RANBP2: variants seen among roughly 807,000 people sequenced by gnomAD.
RANBP2 encodes RAN binding protein 2, also known as E3 SUMO-protein ligase RanBP2.
A neutral mutation model predicts 303.6 loss-of-function variants in RANBP2; 57 were observed. The observed-to-expected ratio is 0.19, with a 90% confidence interval of 0.15 to 0.23. RANBP2 has a LOEUF of 0.23. RANBP2 is among the 10% of genes least tolerant of loss of function. The pLI is 1.00. For missense variants in RANBP2, 3,138 were observed against 3,780.8 expected (o/e 0.83, Z 4.46); for synonymous variants, 1,167 against 1,301.5 (o/e 0.90, Z 2.23).
chr2:108,815,898 G>A, the RANBP2 span: 1 of 1,514,356 alleles, frequency 6.6e-7, no homozygotes, highest in Admixed American at 2.1e-5. Context: ...GAAGTTTTAT[G>A]AAGTTGTGAA....
the RANBP2 span, among the ~76,000 whole-genome samples, chr2:109,663,788 C>T: frequency 6.6e-6 from 1 of 152,130 alleles, no homozygotes; most frequent in Non-Finnish European, 1.5e-5. Context: ...AGGGAACAGC[C>T]TCTGTGTTTG....
chr2:109,018,523 C>T, the RANBP2 span, among the ~76,000 whole-genome samples: 2 of 152,334 alleles, frequency 1.3e-5, no homozygotes, highest in African/African-American at 2.4e-5. Flanking sequence ...GTTGCCTGTA[C>T]CAAAGTCTTC....
At chr2:108,850,879 T>TC in the RANBP2 span, among the ~76,000 whole-genome samples, 1 of 152,076 alleles carries the variant, frequency 6.6e-6, no homozygotes, top group Non-Finnish European at 1.5e-5. Context: ...TGGAGGTTTT[T>TC]CCCCACATAC....
chr2:109,607,235 TAC>T, the RANBP2 span, among the ~76,000 whole-genome samples: 1 of 152,200 alleles, frequency 6.6e-6, no homozygotes, highest in Non-Finnish European at 1.5e-5. Context: ...GGAGTAAGAC[TAC>T]AGTCTCCATA....
chr2:109,608,107 T>C, the RANBP2 span, among the ~76,000 whole-genome samples: 2 of 152,242 alleles, frequency 1.3e-5, no homozygotes. Context: ...TAAAGGTCTT[T>C]TATAACAAAA....
At chr2:109,429,833 C>T in the RANBP2 span, among the ~76,000 whole-genome samples, 1 of 152,214 alleles carries the variant, frequency 6.6e-6, no homozygotes, top group African/African-American at 2.4e-5. Flanking sequence ...AGAGGTAGCC[C>T]TGCTAGGGGT....
chr2:108,788,992 T>TG (rs765857281), downstream of RANBP2: 22 of 1,612,290 alleles, frequency 1.4e-5, no homozygotes, highest in Non-Finnish European at 1.9e-5. Context: ...ACTTTACTGT[T>TG]GCTACCCCCT....
At chr2:109,767,368 C>T in the RANBP2 span, among the ~76,000 whole-genome samples, 9 of 147,326 alleles carry the variant, frequency 6.1e-5, no homozygotes, top group Non-Finnish European at 4.5e-5. Flanking sequence ...CTCTTACTTA[C>T]GGTGGTACTA....
the RANBP2 span, among the ~76,000 whole-genome samples, chr2:109,664,042 C>T: frequency 6.6e-6 from 1 of 152,296 alleles, no homozygotes; most frequent in South Asian, 2.1e-4. Context: ...TGGGATACTT[C>T]CAAAGCCAGT....
At chr2:109,485,025 G>A in the RANBP2 span, among the ~76,000 whole-genome samples, 146 of 152,338 alleles carry the variant, frequency 9.6e-4, 2 homozygotes, top group East Asian at 0.026. Context: ...AAAATAGTAC[G>A]TAACCCATCA....
the RANBP2 span, among the ~76,000 whole-genome samples, chr2:109,466,072 C>CTTTTTTTT: frequency 7.6e-4 from 63 of 82,388 alleles, no homozygotes; most frequent in Non-Finnish European, 1.0e-3. Flanking sequence ...ACCTGTACAT[C>CTTTTTTTT]TTTTTTTTTT....
chr2:108,786,656 T>C (rs826553), downstream of RANBP2: 105,723 of 632,678 alleles, frequency 0.17, 9,457 homozygotes, highest in African/African-American at 0.2. Context: ...GAGGACGCGC[T>C]GACAAGCCGG....
chr2:108,954,678 C>CT, the RANBP2 span, among the ~76,000 whole-genome samples: 208 of 146,666 alleles, frequency 1.4e-3, no homozygotes, highest in Middle Eastern at 3.6e-3. Context: ...GGAAGATAAT[C>CT]TTTTTTTTTT....
the RANBP2 span, among the ~76,000 whole-genome samples, chr2:108,815,461 GTTTTTTTTTTTTT>G: frequency 2.8e-5 from 2 of 70,700 alleles, no homozygotes; most frequent in South Asian, 1.4e-3. Flanking sequence ...GGTTTTTGGT[GTTTTTTTTTTTTT>G]TTTTTTTTTT....
the RANBP2 span, among the ~76,000 whole-genome samples, chr2:108,901,186 T>A: frequency 6.6e-6 from 1 of 152,172 alleles, no homozygotes; most frequent in African/African-American, 2.4e-5. Flanking sequence ...TATAAATATA[T>A]AACAGAAAAA....
chr2:108,819,472 C>T, the RANBP2 span, among the ~76,000 whole-genome samples: 63 of 152,180 alleles, frequency 4.1e-4, no homozygotes, highest in South Asian at 1.2e-3. Context: ...CTGCAGGAAA[C>T]AGAAGTGATT....
chr2:109,243,747 G>A, the RANBP2 span, among the ~76,000 whole-genome samples: 2 of 152,196 alleles, frequency 1.3e-5, no homozygotes, highest in African/African-American at 4.8e-5. Context: ...AGAGAACCTC[G>A]GGGTGGCCCG....
the RANBP2 span, among the ~76,000 whole-genome samples, chr2:109,590,021 T>C: frequency 2.1e-4 from 31 of 150,018 alleles, no homozygotes; most frequent in African/African-American, 2.7e-4. Flanking sequence ...TATATATATA[T>C]ACACACACAT....
the RANBP2 span, among the ~76,000 whole-genome samples, chr2:109,216,536 A>T: frequency 6.6e-6 from 1 of 152,236 alleles, no homozygotes; most frequent in African/African-American, 2.4e-5. Flanking sequence ...TGCTTCTGTG[A>T]TACAGAAAGT....
Sources: gnomAD v4.1 joint callset for allele counts (sites outside exome capture counted in the v4.1 genomes callset) on GRCh38, gnomAD v4.1.1 for gene constraint, MANE v1.5 for transcripts, NCBI Gene and HGNC (gene_info 2026-07-23, HGNC 2026-07-21) for gene names.